RYR1: variants seen among roughly 807,000 people sequenced by gnomAD.
RYR1 encodes the protein central core disease of muscle.
Under a neutral mutation model 583.5 loss-of-function variants are expected in RYR1, and 342 were observed. The observed-to-expected ratio is 0.59, with a 90% confidence interval of 0.54 to 0.64. The LOEUF (loss-of-function observed/expected upper bound fraction) is 0.64, where lower values mean the gene tolerates loss of function less well. Among genes scored for constraint, RYR1 ranks in the 30% least tolerant of loss-of-function variants. The pLI, the probability that RYR1 is intolerant of heterozygous loss-of-function variation, is 0.00. For synonymous variants in RYR1, 2,791 were observed against 2,822.5 expected (o/e 0.99, Z 0.35); for missense variants, 6,032 against 6,917.2 (o/e 0.87, Z 4.54).
Position 38,535,199 on chromosome 19 carries a change from A to T in RYR1, c.11418A>T (p.Gly3806=). The change falls in exon 80 of 106, where the codon GGA becomes GGT. Residue 3806 remains glycine, a synonymous_variant. Transcript: ENST00000359596. ...TLKLGISILN[G]GNAEVQQKML... is the part of the protein sequence containing the mutation. ...AGCTGGGCATCTCCATCCTCAATGG[A>T]GGCAATGCTGAGGTCCAGCAGGTAA... The T allele has an allele frequency of 1.2e-6, 2 of 1,614,086 alleles. No homozygotes were observed. The highest frequency in any genetic ancestry group is 8.5e-7 in the Non-Finnish European group (1 of 1,180,012).
chr19:38,488,800 T>C (rs1373334367), intron 34 of RYR1, among the ~76,000 whole-genome samples: 1 of 152,152 alleles, frequency 6.6e-6, no homozygotes, highest in Non-Finnish European at 1.5e-5. Flanking sequence ...CCTCGCCTCA[T>C]GTGTTAGCAT....
intron 31 of RYR1, among the ~76,000 whole-genome samples, chr19:38,481,765 G>A (rs559136773): frequency 1.3e-5 from 2 of 151,870 alleles, no homozygotes; most frequent in East Asian, 3.9e-4. Flanking sequence ...CAGCCTGGGT[G>A]GCAGAGCGAG....
chr19:38,449,227 A>G (rs1226829038), intron 11 of RYR1, among the ~76,000 whole-genome samples: 1 of 152,212 alleles, frequency 6.6e-6, no homozygotes, highest in African/African-American at 2.4e-5. Flanking sequence ...TGGGAGGCCC[A>G]GGCGGTTGGA....
chr19:38,555,202 G>C (rs1972827831), intron 89 of RYR1, among the ~76,000 whole-genome samples: 1 of 152,020 alleles, frequency 6.6e-6, no homozygotes, highest in Non-Finnish European at 1.5e-5. Context: ...TGTAATCCCA[G>C]TACTTTGGGA....
chr19:38,564,514 T>G (rs549017169), intron 90 of RYR1, among the ~76,000 whole-genome samples: 330 of 151,724 alleles, frequency 2.2e-3, no homozygotes, highest in African/African-American at 7.6e-3. Flanking sequence ...AGCTAGATCT[T>G]GTCTTTTTTT....
chr19:38,577,867 A>G, intron 97 of RYR1, 51 bp from the exon 98 acceptor site: 4 of 1,611,542 alleles, frequency 2.5e-6, no homozygotes, highest in South Asian at 1.1e-5. Flanking sequence ...AGGCCACGAC[A>G]CACACCCACA....
intron 90 of RYR1, among the ~76,000 whole-genome samples, chr19:38,562,306 A>G (rs556277508): frequency 1.4e-4 from 22 of 152,026 alleles, no homozygotes; most frequent in Admixed American, 1.3e-4. Flanking sequence ...GCTTGCCCCA[A>G]GGGTACACTC....
rs1379806132 is a variant in RYR1 at position 38,519,236 on chromosome 19, C to T, written c.10041C>T (p.Ser3347=). 1.2e-6 allele frequency: 2 copies of T among 1,614,114 alleles called. No individual in the cohort carries two copies. Among genetic ancestry groups the T allele is most frequent in the Admixed American group, 3.3e-5 (2 of 60,024 alleles). ...RLAVFAQPIV[S]RARPELLQSH... ...CAGTGTTCGCACAGCCCATTGTGAG[C>T]CGTGCACGGCCGGAGCTCCTGCAGT... The change falls in exon 67 of 106, where the codon AGC becomes AGT. Residue 3347 remains serine (S), a synonymous_variant. Coordinates refer to ENST00000359596, the MANE Select transcript of RYR1 (RefSeq NM_000540.3).
At chr19:38,442,289 G>A (rs1379424671) in intron 2 of RYR1, 60 bp from the exon 3 acceptor site, 2 of 1,141,538 alleles carry the variant, frequency 1.8e-6, no homozygotes, top group Non-Finnish European at 2.7e-6. Flanking sequence ...GTGTGGCAGG[G>A]AATGTTGCTG....
chr19:38,566,814 A>G lies in RYR1; in HGVS notation c.13438-97A>G. 4 of 1,545,968 alleles carry G rather than the reference A, an allele frequency of 2.6e-6. No individual in the cohort carries two copies. The South Asian group carries it at 4.8e-5, about 18-fold the overall frequency. On this transcript the variant is annotated intron_variant, in intron 91 of 105. Transcript: ENST00000359596. ...GGGAAGTGTAAAACTTAGATTACCC[A>G]GGGGAAATAAGAGAGAAAGGAGATG...
intron 104 of RYR1, 92 bp from the exon 105 acceptor site, chr19:38,586,433 C>G: frequency 1.5e-6 from 2 of 1,358,814 alleles, no homozygotes; most frequent in Non-Finnish European, 2.1e-6. Flanking sequence ...CCAGCTTGGG[C>G]AACATAGCAA....
intron 31 of RYR1, among the ~76,000 whole-genome samples, chr19:38,481,823 C>T (rs1380640007): frequency 6.6e-6 from 1 of 151,982 alleles, no homozygotes. Flanking sequence ...CGTGGTGGCT[C>T]ACACCTGTAA....
At position 38,575,970 on chromosome 19, in the gene RYR1, A is replaced by T. The variant is rs1044658100; in HGVS notation, c.14172+9A>T. The T allele has an allele frequency of 6.2e-7, 1 of 1,614,172 alleles. No individual in the cohort carries two copies. Among genetic ancestry groups the T allele is most frequent in the Non-Finnish European group, 8.5e-7 (1 of 1,180,000 alleles). ...AGTTTGTCAAGCGCAAGGTGAGAGGACATGGATGCCCTGGGTCCTGGATTG... is the reference window on the plus strand; with the variant it reads ...AGTTTGTCAAGCGCAAGGTGAGAGGTCATGGATGCCCTGGGTCCTGGATTG... On this transcript the variant is annotated intron_variant, in intron 97 of 105. Coordinates refer to ENST00000359596, the MANE Select transcript of RYR1 (RefSeq NM_000540.3).
rs369458972 is a variant in RYR1 at position 38,442,497 on chromosome 19, G to T, written c.270+44G>T. Reference sequence around the variant, plus strand: ...GGTGGGCGGGGTGGCAGAGATGGGCGAGAGGACCCAGGGGTCGTTTAGGGC... The same window carrying T: ...GGTGGGCGGGGTGGCAGAGATGGGCTAGAGGACCCAGGGGTCGTTTAGGGC... On this transcript the variant is annotated intron_variant, in intron 3 of 105. Coordinates refer to ENST00000359596, the MANE Select transcript of RYR1 (RefSeq NM_000540.3). The T allele has an allele frequency of 2.7e-6, 4 of 1,471,834 alleles. No homozygotes were observed. In the South Asian group the frequency reaches 4.5e-5, roughly 17 times the overall value. The allele number at this position is 1,471,834 out of a possible 1,614,324, so 91.2% of individuals were successfully genotyped here. A position where few individuals can be genotyped will look rare whatever the true frequency, so the allele number is the denominator to read the frequency against.
At position 38,502,885 on chromosome 19, in the gene RYR1, T is replaced by C. The variant is rs1274889477; in HGVS notation, c.7841T>C (p.Ile2614Thr). Residue 2614 changes from isoleucine to threonine, a missense_variant, in exon 49 of 106, where the codon ATC (isoleucine) becomes ACC (threonine). Around this residue, in one of 11 missense-constraint regions of RYR1, gnomAD observed 250 missense variants for 162.3 expected, o/e 1.54. Coordinates refer to ENST00000359596, the MANE Select transcript of RYR1 (RefSeq NM_000540.3). ...TCTTGTGCATTGTCCCGCAGGTACA[T>C]CCGCCCGTCGATGCTGCAGCACCTG... is the stretch of plus-strand genomic sequence containing the variant. ...EDCLMSLCRY[I>T]RPSMLQHLLR... 1 of 1,610,840 alleles carries C rather than the reference T, an allele frequency of 6.2e-7. No homozygotes were observed.
rs577361051 is a variant in RYR1 at position 38,539,090 on chromosome 19, T to A, written c.11689+1130T>A. Among the ~76,000 whole-genome samples, 36 of 152,312 alleles carry A rather than the reference T, an allele frequency of 2.4e-4. No homozygotes were observed. The South Asian group carries it at 7.5e-3, about 32-fold the overall frequency. ...GGTTAGTGCTCTTTAAGGTAACTGA[T>A]TTGTAAATATCTTTAATCTTCATTC... On this transcript the variant is annotated intron_variant, in intron 84 of 105. Coordinates refer to ENST00000359596, the MANE Select transcript of RYR1 (RefSeq NM_000540.3).
At chr19:38,570,462 AT>A (rs1973664221) in intron 93 of RYR1, 144 bp from the exon 94 acceptor site, 1 of 380,552 alleles carries the variant, frequency 2.6e-6, no homozygotes, top group Non-Finnish European at 4.6e-6. Flanking sequence ...AAAAATAATA[AT>A]AATAATAATT....
rs56373685 is a variant in RYR1, at chr19:38,475,094, C to T, written c.4161-224C>T. Among the ~76,000 whole-genome samples, 17,166 of 152,182 alleles carry T rather than the reference C, an allele frequency of 0.11. 1,097 individuals carry two copies. Among genetic ancestry groups the T allele is most frequent in the South Asian group, 0.18 (863 of 4,816 alleles). ...ATAACCCAGTGGGGACCTCCATATT[C>T]CCAGAAGGCGCCTTTAATTTGGGTA... On this transcript the variant is annotated intron_variant, in intron 28 of 105. Coordinates refer to ENST00000359596, the MANE Select transcript of RYR1 (RefSeq NM_000540.3).
intron 9 of RYR1, 87 bp from the exon 10 acceptor site, chr19:38,448,268 T>TA (rs960691443): frequency 2.9e-4 from 423 of 1,444,118 alleles, no homozygotes; most frequent in African/African-American, 2.4e-3. Flanking sequence ...CTGGTTTCTG[T>TA]AAAAAAAAGA....
Sources: allele counts gnomAD v4.1 joint callset (sites outside exome capture counted in the v4.1 genomes callset), GRCh38; gene constraint gnomAD v4.1.1; regional missense constraint gnomAD v4.1.1; transcripts MANE v1.5; gene names NCBI Gene and HGNC (gene_info 2026-07-23, HGNC 2026-07-21).